Variants in SH3TC2 observed in about 807,000 individuals in gnomAD.
SH3TC2 encodes SH3 domain and tetratricopeptide repeat-containing protein 2.
Under a neutral mutation model 124.5 loss-of-function variants are expected in SH3TC2, and 87 were observed. The observed-to-expected ratio is 0.70, with a 90% CI of 0.59 to 0.84. The LOEUF (loss-of-function observed/expected upper bound fraction) is 0.84. Ranked by LOEUF, SH3TC2 falls within the 40% of genes least tolerant of loss-of-function variation. The pLI, the probability that SH3TC2 is intolerant of heterozygous loss-of-function variation, is 0.00. For synonymous variants in SH3TC2, 634 were observed against 628.5 expected (o/e 1.01, Z -0.13); for missense variants, 1,536 against 1,566.4 (o/e 0.98, Z 0.33).
At position 148,992,598 on chromosome 5, in the gene SH3TC2, T is replaced by TG. The variant is rs1212405894; in HGVS notation, c.*12112dup. ...ACATAATTCCAAGAAGAGATTTCAT[T>TG]GGTTTTTTTTTTTTTTTTTTTTTTC... On this transcript the variant is annotated 3_prime_UTR_variant, in exon 17 of 17. Coordinates refer to ENST00000515425, the MANE Select transcript of SH3TC2 (RefSeq NM_024577.4). 1.1e-5 allele frequency among the ~76,000 whole-genome samples: 1 copy of TG among 93,414 alleles called. No homozygotes were observed. The highest frequency in any genetic ancestry group is 2.1e-5 in the Non-Finnish European group (1 of 48,576). 61.3% of individuals were successfully genotyped at this position (93,414 alleles called of 152,430 possible).
At position 148,989,278 on chromosome 5, in the gene SH3TC2, T is replaced by G. The variant is rs1276168759; in HGVS notation, c.*15433A>C. 1.3e-5 allele frequency among the ~76,000 whole-genome samples: 2 copies of G among 152,106 alleles called. No individual in the cohort carries two copies. Among genetic ancestry groups the G allele is most frequent in the Non-Finnish European group, 2.9e-5 (2 of 68,044 alleles). On this transcript the variant is annotated 3_prime_UTR_variant, in exon 17 of 17. Transcript: ENST00000515425. ...TGCTTTAGACATATTAATTCATTAA[T>G]TTTACAATAACTTTGCTATATAGGT...
chr5:149,026,863 T>C lies in SH3TC2; in HGVS notation c.2869A>G (p.Lys957Glu). 1 of 1,614,192 alleles carries C rather than the reference T, an allele frequency of 6.2e-7. No individual in the cohort carries two copies. The highest frequency in any genetic ancestry group is 8.5e-7 in the Non-Finnish European group (1 of 1,180,032). Residue 957 changes from lysine to glutamate, a missense_variant, in exon 11 of 17, where the codon AAG (lysine) becomes GAG (glutamate). Transcript: ENST00000515425. ...LLFGLRHRHL[K>E]SQLQATKSLC... The stretch of plus-strand genomic sequence containing the variant: ...CAGCAGCATGGGACATACTTACTCT[T>C]TAGATGTCGATGCCTTAAGCCAAAC...
chr5:149,024,932 G>A (rs1158267785), intron 12 of SH3TC2, among the ~76,000 whole-genome samples: 1 of 152,352 alleles, frequency 6.6e-6, no homozygotes, highest in Admixed American at 6.5e-5. Context: ...TGGCAGTGGA[G>A]TAGGTGATGT....
Position 149,027,994 on chromosome 5 carries a change from G to T in SH3TC2, c.1738C>A (p.Leu580Met), listed in dbSNP as rs1561765207. ...TLYINLAAIY[L>M]KQRLRHKGSA... ...CCTTTATGTCTCAGCCTCTGTTTCA[G>T]GTAGATGGCAGCCAAATTGATGTAC... The change falls in exon 11 of 17, where the codon CTG (leucine) becomes ATG (methionine). Residue 580 changes from leucine (L) to methionine (M), a missense_variant. By Grantham distance (15) the Leu-to-Met change is conservative. Coordinates refer to ENST00000515425, the MANE Select transcript of SH3TC2 (RefSeq NM_024577.4). The T allele has an allele frequency of 1.2e-6, 2 of 1,614,198 alleles. No individual in the cohort carries two copies. Among genetic ancestry groups the T allele is most frequent in the African/African-American group, 1.3e-5 (1 of 75,072 alleles).
At position 149,030,125 on chromosome 5, in the gene SH3TC2, T is replaced by C. The variant is rs114937060; in HGVS notation, c.1136-1407A>G. Among the ~76,000 whole-genome samples, 1,448 of 152,300 alleles carry C rather than the reference T, an allele frequency of 9.5e-3. 21 individuals are homozygous for C. The highest frequency in any genetic ancestry group is 0.034 in the African/African-American group (1,401 of 41,550). ...TGTTCAAATGCCCTGGCCTCTCTGA[T>C]GTGGAGGGGTACACGCCCCTCTTGG... is the stretch of plus-strand genomic sequence containing the variant. On this transcript the variant is annotated intron_variant, in intron 9 of 16. Transcript: ENST00000515425.
intron 1 of SH3TC2, among the ~76,000 whole-genome samples, chr5:149,059,481 T>G (rs1349944347): frequency 6.8e-6 from 1 of 147,304 alleles, no homozygotes; most frequent in African/African-American, 2.6e-5. Context: ...TATCTGCATG[T>G]TTTTTTTTTC....
intron 12 of SH3TC2, among the ~76,000 whole-genome samples, chr5:149,024,349 T>G (rs931667949): frequency 6.6e-6 from 1 of 152,182 alleles, no homozygotes; most frequent in African/African-American, 2.4e-5. Context: ...GTGCTAGACA[T>G]AATGTCTGCC....
At chr5:149,036,122 T>C (rs1485774224) in intron 8 of SH3TC2, 1 of 152,192 alleles carries the variant, frequency 6.6e-6, no homozygotes, top group Non-Finnish European at 1.5e-5. Flanking sequence ...ATTCTACACA[T>C]TTTACAGATG....
At chr5:149,033,721 T>C (rs898407640) in intron 8 of SH3TC2, among the ~76,000 whole-genome samples, 1 of 152,186 alleles carries the variant, frequency 6.6e-6, no homozygotes, top group African/African-American at 2.4e-5. Context: ...TTTCATCTAT[T>C]TGAGTCCCTG....
intron 9 of SH3TC2, among the ~76,000 whole-genome samples, chr5:149,029,616 C>T (rs1306308409): frequency 1.3e-5 from 2 of 152,004 alleles, no homozygotes; most frequent in Non-Finnish European, 2.9e-5. Flanking sequence ...GCCTGGGCAA[C>T]TCACTGGCAG....
rs779447016 is a variant in SH3TC2 at position 149,028,324 on chromosome 5, T to A, written c.1408A>T (p.Ile470Leu). ...CCCTCATGATCCAGAAAAGCCAATA[T>A]GGGGGCGAAGTTCTCAGCCTCCTCC... ...QEEEAENFAP[I>L]LAFLDHEGYA... The change falls in exon 11 of 17, where the codon ATA becomes TTA. Residue 470 changes from isoleucine (I) to leucine (L), a missense_variant. Physicochemically the swap from Ile to Leu is conservative, Grantham distance 5. This residue lies in a region of SH3TC2 where 1,102 missense variants were observed against 1,098.6 expected (regional missense o/e 1.00). Coordinates refer to ENST00000515425, the MANE Select transcript of SH3TC2 (RefSeq NM_024577.4). 5 of 1,614,046 alleles carry A rather than the reference T, an allele frequency of 3.1e-6. No individual in the cohort carries two copies. The Admixed American group carries it at 6.7e-5, about 22-fold the overall frequency.
At chr5:149,010,461 G>A (rs1220125983) in intron 13 of SH3TC2, 69 bp from the exon 14 acceptor site, 4 of 1,604,270 alleles carry the variant, frequency 2.5e-6, no homozygotes, top group Non-Finnish European at 3.4e-6. Context: ...GACTGGCAGA[G>A]CTAAGACGCA....
rs1432900917 is a variant in SH3TC2 at position 149,041,506 on chromosome 5, C to A, written c.641G>T (p.Gly214Val). 3.1e-6 allele frequency: 5 copies of A among 1,614,210 alleles called. No homozygotes were observed. Among genetic ancestry groups the A allele is most frequent in the Non-Finnish European group, 4.2e-6 (5 of 1,180,044 alleles). Reference sequence around the variant, plus strand: ...CAAAGACACGCCTTCCAACTCGGAGCCAGCTTCTGCCATCTTCACTGAGAT... The same window carrying A: ...CAAAGACACGCCTTCCAACTCGGAGACAGCTTCTGCCATCTTCACTGAGAT... ...ELISVKMAEA[G>V]SELEGVSLVT... The change falls in exon 6 of 17, where the codon GGC becomes GTC. Residue 214 changes from glycine (G) to valine (V), a missense_variant. Transcript: ENST00000515425.
intron 1 of SH3TC2, among the ~76,000 whole-genome samples, chr5:149,052,932 TA>T (rs1236454438): frequency 6.6e-6 from 1 of 152,226 alleles, no homozygotes; most frequent in Non-Finnish European, 1.5e-5. Context: ...AACATTGCTG[TA>T]GAACATGGGT....
At chr5:149,013,271 C>T (rs891939588) in intron 12 of SH3TC2, among the ~76,000 whole-genome samples, 2 of 147,746 alleles carry the variant, frequency 1.4e-5, no homozygotes, top group Non-Finnish European at 3.0e-5. Flanking sequence ...CCCCATGCTG[C>T]TGTTCTCATG....
Position 148,994,600 on chromosome 5 carries a change from A to ATGGTTGGTTGGT in SH3TC2, c.*10099_*10110dup, listed in dbSNP as rs57301725. Among the ~76,000 whole-genome samples, 3 of 140,678 alleles carry ATGGTTGGTTGGT rather than the reference A, an allele frequency of 2.1e-5. No individual in the cohort carries two copies. Among genetic ancestry groups the ATGGTTGGTTGGT allele is most frequent in the Middle Eastern group, 3.5e-3 (1 of 284 alleles). The allele number at this position is 140,678 out of a possible 152,430, so 92.3% of individuals were successfully genotyped here. A position where few individuals can be genotyped will look rare whatever the true frequency, so the allele number is the denominator to read the frequency against. On this transcript the variant is annotated 3_prime_UTR_variant, in exon 17 of 17. Transcript: ENST00000515425. ...GGTATGTGGGTGGTTGGGTGGTTAG[A>ATGGTTGGTTGGT]TGGTTGGTTGGTTGGTTGGTTGGTT...
At chr5:149,012,311 T>C (rs1241137224) in intron 13 of SH3TC2, among the ~76,000 whole-genome samples, 1 of 152,184 alleles carries the variant, frequency 6.6e-6, no homozygotes, top group Non-Finnish European at 1.5e-5. Context: ...CAAGTGACGT[T>C]ACAGATGGTA....
intron 12 of SH3TC2, among the ~76,000 whole-genome samples, chr5:149,017,195 C>G (rs1187257112): frequency 6.6e-6 from 1 of 152,116 alleles, no homozygotes; most frequent in African/African-American, 2.4e-5. Flanking sequence ...GTTTTTAGCA[C>G]AGTGCCTGGG....
chr5:149,023,696 C>T (rs1754016531), intron 12 of SH3TC2, among the ~76,000 whole-genome samples: 2 of 150,358 alleles, frequency 1.3e-5, no homozygotes, highest in South Asian at 4.2e-4. Flanking sequence ...GATTCTCCTG[C>T]CTCAGCTTCC....
Sources: gnomAD v4.1 joint callset for allele counts (sites outside exome capture counted in the v4.1 genomes callset) on GRCh38, gnomAD v4.1.1 for gene constraint, gnomAD v4.1.1 regional missense constraint, MANE v1.5 for transcripts, NCBI Gene and HGNC (gene_info 2026-07-23, HGNC 2026-07-21) for gene names.